Variants in ADCK1 observed in about 807,000 individuals in gnomAD.
The protein encoded by ADCK1 is aarF domain-containing protein kinase 1.
A neutral mutation model predicts 52.3 loss-of-function variants in ADCK1; 41 were observed. The observed-to-expected ratio is 0.78, with a 90% CI of 0.61 to 1.02. The LOEUF (loss-of-function observed/expected upper bound fraction) is 1.02, where lower values mean the gene tolerates loss of function less well. ADCK1 is among the 50% of genes least tolerant of loss of function. The probability of loss-of-function intolerance (pLI) is 0.00; values close to 1 mark genes in which losing one functional copy is unlikely to be tolerated. For missense variants in ADCK1, 658 were observed against 679.5 expected (o/e 0.97, Z 0.35); for synonymous variants, 250 against 274.6 (o/e 0.91, Z 0.89).
intron 3 of ADCK1, among the ~76,000 whole-genome samples, chr14:77,857,512 C>T (rs2082444395): frequency 6.6e-6 from 1 of 152,178 alleles, no homozygotes; most frequent in Non-Finnish European, 1.5e-5. Flanking sequence ...ATCCACTTCT[C>T]TTCATCCTCT....
Position 77,925,877 on chromosome 14 carries a change from C to A in ADCK1, c.1122C>A (p.Tyr374Ter), listed in dbSNP as rs1321787728. ...AGCGACTGGGAGCCGGGGATCTCTA[C>A]CCCTTGTTTGCCTGCATGCTGACGG... ...YSQRLGAGDL[Y>*]PLFACMLTAR... is the part of the protein sequence containing the mutation. The change falls in exon 9 of 11, where the codon TAC (tyrosine) becomes TAA (stop). Residue 374 changes from tyrosine to a stop codon, truncating the protein, a stop_gained. Transcript: ENST00000238561. LOFTEE classifies it high-confidence loss of function. 3 of 1,614,116 alleles carry A rather than the reference C, an allele frequency of 1.9e-6. No individual in the cohort carries two copies. Among genetic ancestry groups the A allele is most frequent in the Non-Finnish European group, 2.5e-6 (3 of 1,180,054 alleles).
chr14:77,846,884 G>A (rs928001768), intron 3 of ADCK1, among the ~76,000 whole-genome samples: 1 of 152,236 alleles, frequency 6.6e-6, no homozygotes, highest in African/African-American at 2.4e-5. Context: ...ATGGGCAGAA[G>A]CCCCATCTTC....
At chr14:77,888,735 C>T (rs56056525) in intron 5 of ADCK1, among the ~76,000 whole-genome samples, 11,065 of 152,186 alleles carry the variant, frequency 0.073, 510 homozygotes, top group South Asian at 0.16. Context: ...TCTTAGGTTT[C>T]TGGCTTAAGT....
rs1003260099 is a variant in ADCK1, at chr14:77,926,032, C to T, written c.1206+71C>T. On this transcript the variant is annotated intron_variant, in intron 9 of 10. Coordinates refer to ENST00000238561, the MANE Select transcript of ADCK1 (RefSeq NM_020421.4). Reference sequence around the variant, plus strand: ...AGGGCTAGAGGTGGCCTGTGGACCCCTTCCAAGTAAGGTCTAAGAGTCTAG... The same window carrying T: ...AGGGCTAGAGGTGGCCTGTGGACCCTTTCCAAGTAAGGTCTAAGAGTCTAG... 6 of 1,573,412 alleles carry T rather than the reference C, an allele frequency of 3.8e-6. No homozygotes were observed. The African/African-American group carries it at 8.1e-5, about 21-fold the overall frequency.
chr14:77,866,545 C>T (rs1394235917), intron 4 of ADCK1, among the ~76,000 whole-genome samples: 1 of 152,238 alleles, frequency 6.6e-6, no homozygotes, highest in East Asian at 1.9e-4. Context: ...CTGCAGTTTC[C>T]CAAGGCCCTT....
rs2084412895 is a variant in ADCK1 at position 77,934,678 on chromosome 14, C to G, written c.*1287C>G. ...CCCATGTCTTTGTCTTTGGCAGGTC[C>G]TACTGTCTGCTTTCACGGACAGTAA... is the stretch of plus-strand genomic sequence containing the variant. On this transcript the variant is annotated 3_prime_UTR_variant, in exon 11 of 11. Transcript: ENST00000238561. The G allele has an allele frequency of 6.6e-6, 1 of 152,206 alleles. No homozygotes were observed. Among genetic ancestry groups the G allele is most frequent in the African/African-American group, 2.4e-5 (1 of 41,448 alleles). 9.4% of individuals were successfully genotyped at this position (152,206 alleles called of 1,614,324 possible).
intron 4 of ADCK1, among the ~76,000 whole-genome samples, chr14:77,874,065 T>G (rs945621451): frequency 6.6e-6 from 1 of 152,190 alleles, no homozygotes; most frequent in East Asian, 1.9e-4. Context: ...GTGGTGGCAG[T>G]GGGGAGACTG....
intron 1 of ADCK1, among the ~76,000 whole-genome samples, chr14:77,807,635 G>A (rs1033660862): frequency 1.3e-5 from 2 of 149,918 alleles, no homozygotes; most frequent in Non-Finnish European, 3.0e-5. Flanking sequence ...TCAGCCTCCC[G>A]AGTAGCTGGG....
At chr14:77,887,274 C>A in intron 5 of ADCK1, 25 bp downstream of exon 5, 1 of 1,535,644 alleles carries the variant, frequency 6.5e-7, no homozygotes. Flanking sequence ...TTTCTCCTTC[C>A]TGTGTCCTCA....
intron 3 of ADCK1, among the ~76,000 whole-genome samples, chr14:77,826,557 C>G (rs898887901): frequency 1.3e-5 from 2 of 152,096 alleles, no homozygotes; most frequent in African/African-American, 4.8e-5. Context: ...GAACCAGATC[C>G]CTGGTGTTCA....
At chr14:77,928,498 CTT>C (rs1351557117) in intron 9 of ADCK1, among the ~76,000 whole-genome samples, 1 of 149,544 alleles carries the variant, frequency 6.7e-6, no homozygotes, top group African/African-American at 2.5e-5. Flanking sequence ...GTCTCTCTCT[CTT>C]GTCCAGGCTG....
chr14:77,894,429 A>G (rs1220600159), intron 5 of ADCK1, among the ~76,000 whole-genome samples: 1 of 152,188 alleles, frequency 6.6e-6, no homozygotes, highest in African/African-American at 2.4e-5. Flanking sequence ...TGCATTTTAC[A>G]GTTTACAAAG....
intron 4 of ADCK1, among the ~76,000 whole-genome samples, chr14:77,880,064 A>G (rs2082988210): frequency 6.6e-6 from 1 of 152,232 alleles, no homozygotes. Flanking sequence ...CAAGCCTTAC[A>G]GCTTCTCAGG....
At chr14:77,908,209 T>A (rs911499353) in intron 7 of ADCK1, 2 of 231,206 alleles carry the variant, frequency 8.7e-6, no homozygotes, top group African/African-American at 4.5e-5. Context: ...CAGAGAACAA[T>A]GATGCAAAAT....
rs554245883 is a variant in ADCK1, at chr14:77,867,969, G to A, written c.423+8690G>A. ...TGCCAGTTCACTGTCAGCTGTGCTT[G>A]TTACGTGTCGAGTTGTTGCGAGAGC... On this transcript the variant is annotated intron_variant, in intron 4 of 10. Transcript: ENST00000238561. 7.2e-5 allele frequency among the ~76,000 whole-genome samples: 11 copies of A among 152,352 alleles called. No homozygotes were observed. The South Asian group carries it at 2.3e-3, about 32-fold the overall frequency.
intron 4 of ADCK1, among the ~76,000 whole-genome samples, chr14:77,861,166 G>A (rs528032552): frequency 6.6e-6 from 1 of 152,272 alleles, no homozygotes; most frequent in South Asian, 2.1e-4. Context: ...TGCTTCTTTA[G>A]ACCCCTGAGG....
At position 77,852,671 on chromosome 14, in the gene ADCK1, A is replaced by ATATATTTATATATATATATATAT. The variant is rs1566667220; in HGVS notation, c.220-6400_220-6399insTTATATATATATATATATTATAT. 1.8e-3 allele frequency among the ~76,000 whole-genome samples: 19 copies of ATATATTTATATATATATATATAT among 10,802 alleles called. No homozygotes were observed. In the South Asian group the frequency reaches 0.035, roughly 20 times the overall value. 7.1% of individuals were successfully genotyped at this position (10,802 alleles called of 152,430 possible). ...TCTTTAAATAAATAAATATATATAT[A>ATATATTTATATATATATATATAT]TATATATATATATATATATATATAT... On this transcript the variant is annotated intron_variant, in intron 3 of 10. Transcript: ENST00000238561.
intron 5 of ADCK1, among the ~76,000 whole-genome samples, chr14:77,890,770 G>A (rs2083267206): frequency 6.6e-6 from 1 of 152,178 alleles, no homozygotes; most frequent in Non-Finnish European, 1.5e-5. Context: ...AGAAAGTGGA[G>A]ACTCTTCATG....
intron 3 of ADCK1, among the ~76,000 whole-genome samples, chr14:77,827,356 A>AG (rs2081736077): frequency 6.7e-6 from 1 of 148,820 alleles, no homozygotes; most frequent in Admixed American, 6.6e-5. Flanking sequence ...GTCTCAAAAA[A>AG]AAAAAAAAAA....
Sources: allele counts gnomAD v4.1 joint callset (sites outside exome capture counted in the v4.1 genomes callset), GRCh38; gene constraint gnomAD v4.1.1; transcripts MANE v1.5; gene names NCBI Gene and HGNC (gene_info 2026-07-23, HGNC 2026-07-21).